The following RHOBTB2 variants were observed in gnomAD, a reference collection of about 807,000 sequenced individuals.
RHOBTB2 encodes the protein rho-related BTB domain-containing protein 2.
RHOBTB2 carries 39 observed loss-of-function variants against 66.5 expected under a neutral mutation model. The ratio of observed to expected loss-of-function variants is 0.59; its 90% CI spans 0.45 to 0.77. The LOEUF (loss-of-function observed/expected upper bound fraction) is 0.77. RHOBTB2 is among the 30% of genes least tolerant of loss of function. The probability of loss-of-function intolerance (pLI) is 0.00; values close to 1 mark genes in which losing one functional copy is unlikely to be tolerated. For synonymous variants in RHOBTB2, 390 were observed against 395.0 expected (o/e 0.99, Z 0.15); for missense variants, 755 against 999.1 (o/e 0.76, Z 3.29).
chr8:22,971,592 C>T, the RHOBTB2 span, among the ~76,000 whole-genome samples: 14 of 152,332 alleles, frequency 9.2e-5, no homozygotes, highest in African/African-American at 3.4e-4. Flanking sequence ...ACAAGGCCAG[C>T]TTGTTCACTG....
At chr8:22,956,422 G>C in the RHOBTB2 span, among the ~76,000 whole-genome samples, 2 of 152,272 alleles carry the variant, frequency 1.3e-5, no homozygotes, top group South Asian at 2.1e-4. Flanking sequence ...TCTCATGATA[G>C]TGAGTTCTCA....
Position 23,005,357 on chromosome 8 carries a change from C to A in RHOBTB2, c.193-15C>A. 1.2e-6 allele frequency: 2 copies of A among 1,602,244 alleles called. No individual in the cohort carries two copies. The highest frequency in any genetic ancestry group is 1.7e-6 in the Non-Finnish European group (2 of 1,169,620). On this transcript the variant is annotated splice_polypyrimidine_tract_variant and intron_variant, in intron 2 of 9. Transcript: ENST00000251822. ...ACTGCTGCCTTCGAGTCCCACTCTT[C>A]CTCCCCGTCCCCAGGTGCTGGAACG...
At position 23,017,019 on chromosome 8, in the gene RHOBTB2, G is replaced by T. The variant is rs142585793; in HGVS notation, c.1967-233G>T. 6.6e-6 allele frequency among the ~76,000 whole-genome samples: 1 copy of T among 152,042 alleles called. No individual in the cohort carries two copies. Among genetic ancestry groups the T allele is most frequent in the Non-Finnish European group, 1.5e-5 (1 of 67,968 alleles). The stretch of plus-strand genomic sequence containing the variant: ...CGCACAGGAAGCCCTTGTCTAGATC[G>T]CCCGTCTTTGGAAAGGAACCCAGCT... On this transcript the variant is annotated intron_variant, in intron 9 of 9. Transcript: ENST00000251822. This position sits in a 1 kb window ranked among gnomAD's most constrained non-coding sequence, Gnocchi z 5.3.
chr8:22,961,211 A>G, the RHOBTB2 span, among the ~76,000 whole-genome samples: 1 of 149,768 alleles, frequency 6.7e-6, no homozygotes, highest in Admixed American at 6.6e-5. Flanking sequence ...CCTGCAATCT[A>G]CCTTAGTAGT....
upstream of RHOBTB2, among the ~76,000 whole-genome samples, chr8:22,986,219 T>G (rs954809389): frequency 6.6e-6 from 1 of 150,634 alleles, no homozygotes; most frequent in Non-Finnish European, 1.5e-5. Context: ...AGGGAATGGG[T>G]TGCTGGAAAT....
At chr8:22,967,968 G>A in the RHOBTB2 span, among the ~76,000 whole-genome samples, 1 of 151,926 alleles carries the variant, frequency 6.6e-6, no homozygotes, top group Non-Finnish European at 1.5e-5. Flanking sequence ...AGCAGCCTGG[G>A]CAACATGGTA....
chr8:22,981,373 T>TG, the RHOBTB2 span, among the ~76,000 whole-genome samples: 1 of 152,186 alleles, frequency 6.6e-6, no homozygotes, highest in Admixed American at 6.5e-5. Context: ...TGGATGAGTC[T>TG]GGGGGAGCTA....
the RHOBTB2 span, among the ~76,000 whole-genome samples, chr8:22,979,153 T>C: frequency 6.6e-6 from 1 of 152,188 alleles, no homozygotes; most frequent in Non-Finnish European, 1.5e-5. Context: ...CACCCATATT[T>C]GTTGCTTTAA....
intron 5 of RHOBTB2, 93 bp from the exon 6 acceptor site, chr8:23,007,900 C>A: frequency 1.3e-6 from 2 of 1,486,326 alleles, no homozygotes; most frequent in Non-Finnish European, 1.9e-6. Context: ...TGCCCCGAAT[C>A]TTCTGGGTTC....
the RHOBTB2 span, among the ~76,000 whole-genome samples, chr8:22,964,027 C>A: frequency 6.6e-6 from 1 of 152,062 alleles, no homozygotes; most frequent in Non-Finnish European, 1.5e-5. Flanking sequence ...GTGATCCACC[C>A]ACCTTGGCCT....
At chr8:22,953,732 G>A in the RHOBTB2 span, among the ~76,000 whole-genome samples, 1 of 152,344 alleles carries the variant, frequency 6.6e-6, no homozygotes, top group African/African-American at 2.4e-5. Context: ...GAGTATGGGA[G>A]CTCCGGGAAA....
At chr8:23,015,363 C>A (rs1049724237) in intron 8 of RHOBTB2, among the ~76,000 whole-genome samples, 6 of 152,110 alleles carry the variant, frequency 3.9e-5, no homozygotes, top group African/African-American at 1.4e-4. Flanking sequence ...CAGTATGAAG[C>A]CACTACATAG....
chr8:22,958,760 C>T, the RHOBTB2 span, among the ~76,000 whole-genome samples: 1 of 139,820 alleles, frequency 7.2e-6, no homozygotes, highest in African/African-American at 2.7e-5. Context: ...TGTATTTGCA[C>T]CACTGCACTC....
chr8:23,001,863 G>C (rs1221123748), intron 1 of RHOBTB2, among the ~76,000 whole-genome samples: 3 of 152,222 alleles, frequency 2.0e-5, no homozygotes, highest in Non-Finnish European at 2.9e-5. Context: ...ATGGATGGAA[G>C]GGGTTGCGCA....
At position 23,004,882 on chromosome 8, in the gene RHOBTB2, G is replaced by A. The variant is rs117047322; in HGVS notation, c.192+256G>A. On this transcript the variant is annotated intron_variant, in intron 2 of 9. Coordinates refer to ENST00000251822, the MANE Select transcript of RHOBTB2 (RefSeq NM_015178.3). The surrounding 1 kb of genome is among the most constrained non-coding windows in gnomAD (Gnocchi z 6.4). ...GGACTCCATCTTTGTCTGGGGTACC[G>A]CATTGTATGTAGTCACAGCCTTAAG... 0.01 allele frequency: 5,602 copies of A among 553,842 alleles called. 49 individuals carry two copies. Among genetic ancestry groups the A allele is most frequent in the Middle Eastern group, 0.031 (63 of 2,032 alleles). 34.3% of individuals were successfully genotyped at this position (553,842 alleles called of 1,614,324 possible).
the RHOBTB2 span, among the ~76,000 whole-genome samples, chr8:22,970,164 G>A: frequency 1.3e-5 from 2 of 152,140 alleles, no homozygotes; most frequent in East Asian, 1.9e-4. Flanking sequence ...CTCTGGAGAC[G>A]GGAAAGCACA....
At chr8:23,008,178 C>T (rs1811032584) in intron 6 of RHOBTB2, 67 bp downstream of exon 6, 1 of 1,091,172 alleles carries the variant, frequency 9.2e-7, no homozygotes, top group Non-Finnish European at 1.4e-6. Context: ...ATCTGAGGCA[C>T]TGCCACTCAG....
chr8:22,958,316 G>A, the RHOBTB2 span, among the ~76,000 whole-genome samples: 1 of 152,180 alleles, frequency 6.6e-6, no homozygotes, highest in South Asian at 2.1e-4. Flanking sequence ...CTGCAACCTG[G>A]AAAAGTGAAG....
At chr8:22,960,038 C>T in the RHOBTB2 span, among the ~76,000 whole-genome samples, 2 of 147,060 alleles carry the variant, frequency 1.4e-5, no homozygotes, top group Non-Finnish European at 3.0e-5. Flanking sequence ...AAAAACCTAG[C>T]CAGGTGTTGT....
Sources: allele counts gnomAD v4.1 joint callset (sites outside exome capture counted in the v4.1 genomes callset), GRCh38; gene constraint gnomAD v4.1.1; non-coding constraint Gnocchi (gnomAD v3.1); transcripts MANE v1.5; gene names NCBI Gene and HGNC (gene_info 2026-07-23, HGNC 2026-07-21).